The following FRMD3 variants were observed in gnomAD, a reference collection of about 807,000 sequenced individuals.
FRMD3 encodes the protein FERM domain-containing protein 3.
In FRMD3, 33 loss-of-function variants were observed where a neutral mutation model predicts 70.2. That is an observed-to-expected ratio of 0.47 (90% CI 0.36 to 0.63). The LOEUF (loss-of-function observed/expected upper bound fraction) is 0.63, where lower values mean the gene tolerates loss of function less well. Ranked by LOEUF, FRMD3 falls within the 20% of genes least tolerant of loss-of-function variation. FRMD3 has a pLI of 0.00. For synonymous variants in FRMD3, 279 were observed against 255.9 expected (o/e 1.09, Z -0.86); for missense variants, 632 against 711.4 (o/e 0.89, Z 1.27).
intron 13 of FRMD3, among the ~76,000 whole-genome samples, chr9:83,277,611 T>G (rs1833835033): frequency 6.6e-6 from 1 of 152,196 alleles, no homozygotes; most frequent in Non-Finnish European, 1.5e-5. Context: ...TACTCCTGCC[T>G]TGGCCTCCCA....
chr9:83,450,357 T>G (rs1473717528), intron 1 of FRMD3, among the ~76,000 whole-genome samples: 114 of 140,444 alleles, frequency 8.1e-4, no homozygotes, highest in South Asian at 2.8e-3. Flanking sequence ...GTTTTTTTTT[T>G]TTTTTTTTTT....
At chr9:83,495,429 C>T (rs747093615) in intron 1 of FRMD3, among the ~76,000 whole-genome samples, 3 of 152,118 alleles carry the variant, frequency 2.0e-5, no homozygotes, top group Non-Finnish European at 4.4e-5. Flanking sequence ...GAAGTGAAAT[C>T]GTCTGTCAAG....
rs573425907 is a variant in FRMD3 at position 83,290,215 on chromosome 9, C to G, written c.1195+388G>C. On this transcript the variant is annotated intron_variant, in intron 13 of 13. Coordinates refer to ENST00000304195, the MANE Select transcript of FRMD3 (RefSeq NM_174938.6). ...AGTGTCCAATATGGCAGCCACCAGC[C>G]ACATGTGGCTATTGAGCACTGAGAA... 3.1e-3 allele frequency among the ~76,000 whole-genome samples: 477 copies of G among 152,302 alleles called. 1 individual carries two copies. Among genetic ancestry groups the G allele is most frequent in the Non-Finnish European group, 6.0e-3 (407 of 68,020 alleles).
chr9:83,427,639 G>C (rs1826848811), intron 1 of FRMD3, among the ~76,000 whole-genome samples: 1 of 151,754 alleles, frequency 6.6e-6, no homozygotes, highest in South Asian at 2.1e-4. Context: ...ACTGACTCTT[G>C]AACTTTGACA....
intron 1 of FRMD3, among the ~76,000 whole-genome samples, chr9:83,520,257 G>A (rs1829542637): frequency 6.6e-6 from 1 of 152,114 alleles, no homozygotes; most frequent in Non-Finnish European, 1.5e-5. Flanking sequence ...GAAACATGCA[G>A]GCATTGGATT....
chr9:83,363,153 C>T (rs931899590), intron 3 of FRMD3, among the ~76,000 whole-genome samples: 5 of 152,008 alleles, frequency 3.3e-5, no homozygotes, highest in African/African-American at 4.8e-5. Context: ...TAATAAAATG[C>T]GAAAGCCTCA....
chr9:83,484,649 C>T (rs1828645237), intron 1 of FRMD3, among the ~76,000 whole-genome samples: 1 of 152,160 alleles, frequency 6.6e-6, no homozygotes, highest in Non-Finnish European at 1.5e-5. Flanking sequence ...AGCTCCCGGC[C>T]TCAAGTGATC....
At chr9:83,446,857 T>C (rs2131405966) in intron 1 of FRMD3, among the ~76,000 whole-genome samples, 1 of 152,300 alleles carries the variant, frequency 6.6e-6, no homozygotes, top group African/African-American at 2.4e-5. Flanking sequence ...GGATTCTAAA[T>C]GTTCTAATTT....
At chr9:83,401,752 G>T (rs1169472234) in intron 1 of FRMD3, among the ~76,000 whole-genome samples, 1 of 152,130 alleles carries the variant, frequency 6.6e-6, no homozygotes. Context: ...CATTCTGCCT[G>T]GAAGTGACAT....
intron 1 of FRMD3, among the ~76,000 whole-genome samples, chr9:83,498,721 C>T (rs891228026): frequency 9.4e-5 from 14 of 149,026 alleles, no homozygotes; most frequent in African/African-American, 3.5e-4. Flanking sequence ...TATCTACCCT[C>T]AAAGCTATCA....
chr9:83,512,968 T>C (rs10868022), intron 1 of FRMD3, among the ~76,000 whole-genome samples: 17,400 of 152,142 alleles, frequency 0.11, 1,315 homozygotes, highest in African/African-American at 0.21. Context: ...GGAAATAAAA[T>C]GACACGATGA....
chr9:83,381,136 G>C (rs4097499), intron 2 of FRMD3, among the ~76,000 whole-genome samples: 43,556 of 152,066 alleles, frequency 0.29, 6,323 homozygotes, highest in East Asian at 0.31. Flanking sequence ...TAGTTATTTA[G>C]CTGCCAATAA....
chr9:83,327,451 T>C (rs1216030259), intron 6 of FRMD3, among the ~76,000 whole-genome samples: 2 of 152,132 alleles, frequency 1.3e-5, no homozygotes, highest in African/African-American at 2.4e-5. Context: ...TGGAGAGAGA[T>C]TCCTTTGCTC....
In FRMD3 at chr9:83,378,974, T is replaced by A. The variant is rs376634775; in HGVS notation, c.253-6019A>T. 7.3e-5 allele frequency among the ~76,000 whole-genome samples: 11 copies of A among 150,454 alleles called. No homozygotes were observed. The East Asian group carries it at 7.7e-4, about 11-fold the overall frequency. On this transcript the variant is annotated intron_variant, in intron 2 of 13. Transcript: ENST00000304195. ...AACTCCTGACCTCAAGTGATCCACC[T>A]GCCTCAGCCTCTCAAAGTGCTGTGA...
chr9:83,386,346 C>T (rs1825510419), intron 2 of FRMD3, among the ~76,000 whole-genome samples: 1 of 152,162 alleles, frequency 6.6e-6, no homozygotes, highest in Admixed American at 6.5e-5. Context: ...TATTCAGAAA[C>T]ACCTCTGAGC....
chr9:83,570,048 A>T, the FRMD3 span, among the ~76,000 whole-genome samples: 1 of 152,172 alleles, frequency 6.6e-6, no homozygotes, highest in Non-Finnish European at 1.5e-5. Flanking sequence ...TTTCAGTTTG[A>T]GTTTTTGTCC....
intron 1 of FRMD3, among the ~76,000 whole-genome samples, chr9:83,479,671 G>GGAAGGAAAGAAAGAAA (rs1357329351): frequency 7.0e-4 from 21 of 29,962 alleles, no homozygotes; most frequent in East Asian, 2.1e-3. Context: ...AAGGAAGGAA[G>GGAAGGAAAGAAAGAAA]GAAAGAAAGA....
chr9:83,532,859 G>A (rs1028574198), intron 1 of FRMD3, among the ~76,000 whole-genome samples: 5 of 152,170 alleles, frequency 3.3e-5, no homozygotes, highest in African/African-American at 1.2e-4. Flanking sequence ...CCTCTTCTTG[G>A]ACAGTGGATG....
chr9:83,554,679 C>T, the FRMD3 span, among the ~76,000 whole-genome samples: 4 of 152,208 alleles, frequency 2.6e-5, no homozygotes, highest in African/African-American at 9.6e-5. Flanking sequence ...AGGGCAAGGG[C>T]AGTTCCACTG....
Sources: gnomAD v4.1 joint callset for allele counts (sites outside exome capture counted in the v4.1 genomes callset) on GRCh38, gnomAD v4.1.1 for gene constraint, MANE v1.5 for transcripts, NCBI Gene and HGNC (gene_info 2026-07-23, HGNC 2026-07-21) for gene names.